The following LRRC37A3 variants were observed in gnomAD, a reference collection of about 807,000 sequenced individuals.
LRRC37A3 encodes the protein leucine rich repeat containing 37 member A3, also known as leucine-rich repeat-containing protein 37A3.
A neutral mutation model predicts 106.2 loss-of-function variants in LRRC37A3; 25 were observed. That is an observed-to-expected ratio of 0.24 (90% CI 0.17 to 0.33). The LOEUF is 0.33. Ranked by LOEUF, LRRC37A3 falls within the 10% of genes least tolerant of loss-of-function variation. The pLI is 1.00. For missense variants in LRRC37A3, 712 were observed against 1,644.9 expected (o/e 0.43, Z 9.81); for synonymous variants, 305 against 635.8 (o/e 0.48, Z 7.83).
chr17:64,895,119 CA>C lies in LRRC37A3; in HGVS notation c.2138del (p.Leu713ArgfsTer15), dbSNP rs1974074549. Reference sequence around the variant, plus strand: ...CCAGAGGTTGAACGGTGGCTTGAGTCAGGTGTGAATGCTGAGCCTGACCCTT... The same window carrying C: ...CCAGAGGTTGAACGGTGGCTTGAGTCGGTGTGAATGCTGAGCCTGACCCTT... ...SDKGQAQHSH[L>X]TQATVQPLDL... On this transcript the variant is annotated frameshift_variant, in exon 4 of 15. Coordinates refer to ENST00000584306, the MANE Select transcript of LRRC37A3 (RefSeq NM_199340.5). LOFTEE classifies it high-confidence loss of function. 6.4e-7 allele frequency: 1 copy of C among 1,556,296 alleles called. No individual in the cohort carries two copies. Among genetic ancestry groups the C allele is most frequent in the Non-Finnish European group, 8.6e-7 (1 of 1,162,842 alleles).
chr17:64,863,845 C>T (rs1438169842), intron 10 of LRRC37A3, among the ~76,000 whole-genome samples: 1 of 151,870 alleles, frequency 6.6e-6, no homozygotes, highest in Admixed American at 6.6e-5. Context: ...ATTTTGTCAC[C>T]CAGGCTGAAA....
chr17:64,900,226 G>A (rs112263097), intron 2 of LRRC37A3: 1 of 144,510 alleles, frequency 6.9e-6, no homozygotes, highest in South Asian at 2.1e-4. Flanking sequence ...AGTAGAGACA[G>A]GGTTTCACCA....
intron 9 of LRRC37A3, 130 bp downstream of exon 9, chr17:64,868,965 C>G (rs1439738115): frequency 6.8e-7 from 1 of 1,478,740 alleles, no homozygotes; most frequent in Non-Finnish European, 9.0e-7. Context: ...TCGCCAATAA[C>G]TTTTTTTCAA....
chr17:64,865,067 C>T (rs1429523250), intron 10 of LRRC37A3, among the ~76,000 whole-genome samples: 4 of 152,190 alleles, frequency 2.6e-5, no homozygotes, highest in Admixed American at 6.5e-5. Context: ...GTGGAAGCCT[C>T]TGATCTTCAT....
rs1263414843 is a variant in LRRC37A3 at position 64,897,501 on chromosome 17, G to C, written c.-244C>G. 7.8e-7 allele frequency: 1 copy of C among 1,276,500 alleles called. No homozygotes were observed. Among genetic ancestry groups the C allele is most frequent in the Non-Finnish European group, 1.0e-6 (1 of 986,144 alleles). The allele number at this position is 1,276,500 out of a possible 1,614,324, so 79.1% of individuals were successfully genotyped here. On this transcript the variant is annotated 5_prime_UTR_variant, in exon 4 of 15. Coordinates refer to ENST00000584306, the MANE Select transcript of LRRC37A3 (RefSeq NM_199340.5). ...CCAGCGCCTGCTGTGGTGGGGTAGG[G>C]TGGGGTAGGGTGGGATGGGGGCGCG...
intron 2 of LRRC37A3, among the ~76,000 whole-genome samples, chr17:64,912,520 C>T (rs1974612359): frequency 6.6e-6 from 1 of 151,758 alleles, no homozygotes; most frequent in African/African-American, 2.4e-5. Context: ...AACCAAAAGC[C>T]AATTAATAAA....
chr17:64,874,595 T>C (rs1258224342), intron 8 of LRRC37A3, among the ~76,000 whole-genome samples: 3 of 152,224 alleles, frequency 2.0e-5, no homozygotes, highest in Admixed American at 6.5e-5. Flanking sequence ...ATCTGGGAGG[T>C]GTACCCAACA....
chr17:64,867,871 C>T (rs1257941556), intron 10 of LRRC37A3, among the ~76,000 whole-genome samples: 160 of 152,004 alleles, frequency 1.1e-3, no homozygotes, highest in Non-Finnish European at 3.2e-4. Flanking sequence ...GTCAGGAGTT[C>T]GAAACCACCC....
intron 10 of LRRC37A3, among the ~76,000 whole-genome samples, chr17:64,865,560 G>A (rs1024906262): frequency 2.0e-5 from 3 of 152,258 alleles, no homozygotes; most frequent in African/African-American, 7.2e-5. Context: ...ACTTTCATCT[G>A]GAATCAATAG....
At position 64,856,898 on chromosome 17, in the gene LRRC37A3, T is replaced by A. The variant is rs528694093; in HGVS notation, c.4810-1009A>T. On this transcript the variant is annotated intron_variant, in intron 13 of 14. Coordinates refer to ENST00000584306, the MANE Select transcript of LRRC37A3 (RefSeq NM_199340.5). ...CACTCAGGAAGCTGAGGCAGGAGGATCCCTTAAGCCCAGGAGTTTGATGTT... is the reference window on the plus strand; with the variant it reads ...CACTCAGGAAGCTGAGGCAGGAGGAACCCTTAAGCCCAGGAGTTTGATGTT... 2.8e-3 allele frequency among the ~76,000 whole-genome samples: 417 copies of A among 151,594 alleles called. 2 individuals carry two copies. Among genetic ancestry groups the A allele is most frequent in the Middle Eastern group, 0.02 (6 of 294 alleles).
chr17:64,888,322 A>AT (rs1973885516), intron 6 of LRRC37A3, among the ~76,000 whole-genome samples: 1 of 151,220 alleles, frequency 6.6e-6, no homozygotes, highest in Non-Finnish European at 1.5e-5. Context: ...AATTGAAGGC[A>AT]TTTTTTCCTC....
chr17:64,879,718 C>T (rs1161533832), intron 8 of LRRC37A3, among the ~76,000 whole-genome samples: 14 of 152,212 alleles, frequency 9.2e-5, no homozygotes, highest in East Asian at 1.9e-4. Context: ...TGTACAAAGT[C>T]GGCTACCCCC....
intron 14 of LRRC37A3, 98 bp from the exon 15 acceptor site, chr17:64,854,742 G>A (rs1299183757): frequency 6.5e-5 from 105 of 1,611,808 alleles, no homozygotes; most frequent in Non-Finnish European, 5.2e-5. Context: ...TGAGGGCCCC[G>A]TCATTTACCC....
Position 64,854,636 on chromosome 17 carries a change from T to A in LRRC37A3, c.4868A>T (p.Glu1623Val), listed in dbSNP as rs1972613244. 1 of 1,613,726 alleles carries A rather than the reference T, an allele frequency of 6.2e-7. No homozygotes were observed. The highest frequency in any genetic ancestry group is 8.5e-7 in the Non-Finnish European group (1 of 1,179,872). Residue 1623 changes from glutamate (E) to valine (V), a missense_variant, in exon 15 of 15, where the codon GAA becomes GTA. Coordinates refer to ENST00000584306, the MANE Select transcript of LRRC37A3 (RefSeq NM_199340.5). ...TTCACTCTCCTCCTCCGTTGGGGCT[T>A]CGCTGTCCCTGGGATAAGAATAACA... The part of the protein sequence containing the change: ...EDEEGFSRDS[E>V]APTEEESEAL...
At chr17:64,876,697 G>A (rs1449034253) in intron 8 of LRRC37A3, among the ~76,000 whole-genome samples, 1 of 152,038 alleles carries the variant, frequency 6.6e-6, no homozygotes, top group African/African-American at 2.4e-5. Flanking sequence ...TGAATAGACA[G>A]ACCTATGTCA....
At chr17:64,870,612 A>T (rs1288434089) in intron 8 of LRRC37A3, among the ~76,000 whole-genome samples, 3 of 152,146 alleles carry the variant, frequency 2.0e-5, no homozygotes, top group Non-Finnish European at 4.4e-5. Flanking sequence ...CCCTATTTTT[A>T]AATGAGGAAA....
intron 13 of LRRC37A3, among the ~76,000 whole-genome samples, chr17:64,858,193 G>C (rs1972744621): frequency 6.6e-6 from 1 of 152,206 alleles, no homozygotes; most frequent in Non-Finnish European, 1.5e-5. Flanking sequence ...GAGGGCTAGA[G>C]TATGAGATGT....
chr17:64,857,181 G>T (rs1323215430), intron 13 of LRRC37A3, among the ~76,000 whole-genome samples: 1 of 152,156 alleles, frequency 6.6e-6, no homozygotes, highest in African/African-American at 2.4e-5. Flanking sequence ...ACAAAATCAA[G>T]AAATCAGCAC....
intron 10 of LRRC37A3, among the ~76,000 whole-genome samples, chr17:64,864,780 CT>C (rs1480740130): frequency 6.6e-6 from 1 of 151,530 alleles, no homozygotes; most frequent in Non-Finnish European, 1.5e-5. Flanking sequence ...TGAAAAATGC[CT>C]GGTGCACAGT....
Sources: allele counts gnomAD v4.1 joint callset (sites outside exome capture counted in the v4.1 genomes callset), GRCh38; gene constraint gnomAD v4.1.1; transcripts MANE v1.5; gene names NCBI Gene and HGNC (gene_info 2026-07-23, HGNC 2026-07-21).